The following TP53BP1 variants were observed in gnomAD, a reference collection of about 807,000 sequenced individuals.
The protein encoded by TP53BP1 is tumor protein p53 binding protein 1.
In TP53BP1, 61 loss-of-function variants were observed where a neutral mutation model predicts 200.8. The ratio of observed to expected loss-of-function variants is 0.30; its 90% CI spans 0.25 to 0.38. TP53BP1 has a LOEUF of 0.38. TP53BP1 is among the 10% of genes least tolerant of loss of function. The pLI is 1.00. For missense variants in TP53BP1, 2,144 were observed against 2,371.9 expected (o/e 0.90, Z 2.00); for synonymous variants, 822 against 844.3 (o/e 0.97, Z 0.46).
chr15:43,491,228 G>A (rs1410902129), intron 4 of TP53BP1, among the ~76,000 whole-genome samples: 3 of 151,828 alleles, frequency 2.0e-5, no homozygotes, highest in Non-Finnish European at 2.9e-5. Context: ...TTACAGGCAC[G>A]CACCACCAGG....
In TP53BP1 at chr15:43,474,726, C is replaced by G. The variant is rs201580098; in HGVS notation, c.1127G>C (p.Arg376Pro). 1.2e-5 allele frequency: 19 copies of G among 1,613,458 alleles called. 1 individual carries two copies. In the Admixed American group the frequency reaches 1.7e-4, roughly 14 times the overall value. The change falls in exon 10 of 28, where the codon CGA becomes CCA. Residue 376 changes from arginine (R) to proline (P), a missense_variant. This residue lies in a region of TP53BP1 where 1,700 missense variants were observed against 1,710.3 expected (regional missense o/e 0.99). Transcript: ENST00000382044. The stretch of plus-strand genomic sequence containing the variant: ...GCTAGGAACGATAAAAGGAGTAGAT[C>G]GGAAAGCATCAGGAGAAGGAGCAAC... ...DLVAPSPDAFRSTPFIVPSSP... is the reference protein window; with the variant it reads ...DLVAPSPDAFPSTPFIVPSSP...
chr15:43,412,724 T>C (rs1435138957), intron 24 of TP53BP1: 1 of 471,836 alleles, frequency 2.1e-6, no homozygotes, highest in Non-Finnish European at 4.4e-6. Flanking sequence ...ATGGGGAAGA[T>C]GGCAGGGCAT....
chr15:43,494,962 G>C (rs1397165511), upstream of TP53BP1, among the ~76,000 whole-genome samples: 1 of 152,024 alleles, frequency 6.6e-6, no homozygotes, highest in Non-Finnish European at 1.5e-5. Context: ...GCAGAGGCAG[G>C]TGGATTACTT....
chr15:43,413,385 G>GC, intron 23 of TP53BP1, 51 bp from the exon 24 acceptor site: 1 of 1,514,098 alleles, frequency 6.6e-7, no homozygotes, highest in Non-Finnish European at 9.0e-7. Context: ...CATTGCCTCA[G>GC]CAAAAGCCTT....
chr15:43,439,356 T>C (rs1022401022), intron 15 of TP53BP1, among the ~76,000 whole-genome samples: 7 of 152,120 alleles, frequency 4.6e-5, no homozygotes, highest in African/African-American at 1.4e-4. Context: ...CTGGGCAACA[T>C]GACGAAACCC....
In TP53BP1 at chr15:43,450,961, G is replaced by A. The variant is rs555795061; in HGVS notation, c.2717-3476C>T. 3.0e-4 allele frequency among the ~76,000 whole-genome samples: 46 copies of A among 152,164 alleles called. 1 individual carries two copies. In the East Asian group the frequency reaches 8.1e-3, roughly 27 times the overall value. The stretch of plus-strand genomic sequence containing the variant: ...GCAATCTCAGCTTACTACAACCTCC[G>A]CCTCCCGAGTTCAAGTGATTCTCAA... On this transcript the variant is annotated intron_variant, in intron 12 of 27. Coordinates refer to ENST00000382044, the MANE Select transcript of TP53BP1 (RefSeq NM_001141980.3).
At chr15:43,409,311 C>T (rs2045033936) in intron 25 of TP53BP1, 1 of 595,084 alleles carries the variant, frequency 1.7e-6, no homozygotes, top group Non-Finnish European at 3.0e-6. Flanking sequence ...ATACTGAGGA[C>T]CTAAATCCTC....
intron 11 of TP53BP1, among the ~76,000 whole-genome samples, chr15:43,467,819 T>C (rs1393664218): frequency 6.6e-6 from 1 of 151,774 alleles, no homozygotes; most frequent in Non-Finnish European, 1.5e-5. Flanking sequence ...AGGGCCTCAC[T>C]GTTGCCCAGG....
chr15:43,501,443 G>T (rs1038211773), intron 1 of TP53BP1, among the ~76,000 whole-genome samples: 1 of 152,052 alleles, frequency 6.6e-6, no homozygotes, highest in African/African-American at 2.4e-5. Flanking sequence ...TGAACTCCTG[G>T]GCTCAAGCAA....
chr15:43,458,983 A>C (rs966410933), intron 11 of TP53BP1, among the ~76,000 whole-genome samples: 1 of 152,128 alleles, frequency 6.6e-6, no homozygotes, highest in African/African-American at 2.4e-5. Flanking sequence ...CCCAAGAAAA[A>C]TAAAAATATG....
chr15:43,452,293 C>T (rs979625895), intron 12 of TP53BP1, among the ~76,000 whole-genome samples: 4 of 152,130 alleles, frequency 2.6e-5, no homozygotes, highest in South Asian at 2.1e-4. Context: ...CGGCTGAGCA[C>T]GGTGGCTCAT....
In TP53BP1 at chr15:43,406,090, C is replaced by T. The variant is rs956694153; in HGVS notation, c.*1293G>A. 3 of 149,110 alleles carry T rather than the reference C, an allele frequency of 2.0e-5. No homozygotes were observed. The highest frequency in any genetic ancestry group is 4.5e-5 in the Non-Finnish European group (3 of 67,316). The allele number at this position is 149,110 out of a possible 1,614,324, so 9.2% of individuals were successfully genotyped here. A position where few individuals can be genotyped will look rare whatever the true frequency, so the allele number is the denominator to read the frequency against. ...AGTATTATTCTCCAAGAAAAAGGTC[C>T]TTAAGAAAAAATTGAGATCAAGTTG... On this transcript the variant is annotated 3_prime_UTR_variant, in exon 28 of 28. Transcript: ENST00000382044.
In TP53BP1 at chr15:43,479,946, C is replaced by G; in HGVS notation, c.571G>C (p.Val191Leu). Residue 191 changes from valine to leucine, a missense_variant, in exon 6 of 28, where the codon GTG (valine) becomes CTG (leucine). Val to Leu is a conservative substitution (Grantham distance 32). Around this residue, in one of 4 missense-constraint regions of TP53BP1, gnomAD observed 1,700 missense variants for 1,710.3 expected, o/e 0.99. Transcript: ENST00000382044. ...SQSQDVEENTVPYEVDKEQLQ... is the reference protein window; with the variant it reads ...SQSQDVEENTLPYEVDKEQLQ... ...TGCTCTTTGTCCACTTCATATGGCA[C>G]AGTATTTTCCTCAACATCCTGGCTC... The G allele has an allele frequency of 6.2e-7, 1 of 1,614,124 alleles. No homozygotes were observed.
At chr15:43,411,097 A>C (rs545397615) in intron 24 of TP53BP1, among the ~76,000 whole-genome samples, 5 of 152,158 alleles carry the variant, frequency 3.3e-5, no homozygotes, top group Non-Finnish European at 7.3e-5. Flanking sequence ...CAAGACTTCT[A>C]CTTTATGTCT....
Position 43,420,357 on chromosome 15 carries a change from G to A in TP53BP1, c.4629C>T (p.Ile1543=). 6.2e-7 allele frequency: 1 copy of A among 1,614,060 alleles called. No individual in the cohort carries two copies. Among genetic ancestry groups the A allele is most frequent in the Non-Finnish European group, 8.5e-7 (1 of 1,180,020 alleles). Residue 1543 remains isoleucine (I), a synonymous_variant, in exon 21 of 28, where the codon ATC becomes ATT. Coordinates refer to ENST00000382044, the MANE Select transcript of TP53BP1 (RefSeq NM_001141980.3). ...LGKDILLCDP[I]PLDTEVTALS... ...GGGCCGTCACTTCAGTGTCCAGCGGGATGGGGTCACATAACAGAATGTCTT... is the reference window on the plus strand; with the variant it reads ...GGGCCGTCACTTCAGTGTCCAGCGGAATGGGGTCACATAACAGAATGTCTT...
intron 11 of TP53BP1, among the ~76,000 whole-genome samples, chr15:43,461,881 G>A (rs2046442158): frequency 6.6e-6 from 1 of 151,450 alleles, no homozygotes; most frequent in Non-Finnish European, 1.5e-5. Context: ...TGTTGGCCAG[G>A]CCGGTCTCAA....
At chr15:43,476,848 T>C (rs966407825) in intron 8 of TP53BP1, among the ~76,000 whole-genome samples, 3 of 152,244 alleles carry the variant, frequency 2.0e-5, no homozygotes, top group Non-Finnish European at 4.4e-5. Flanking sequence ...AAACAAATTA[T>C]ATCCTTTTAA....
In TP53BP1 at chr15:43,421,150, T is replaced by G; in HGVS notation, c.4125A>C (p.Thr1375=). 1 of 1,614,194 alleles carries G rather than the reference T, an allele frequency of 6.2e-7. No individual in the cohort carries two copies. Among genetic ancestry groups the G allele is most frequent in the Non-Finnish European group, 8.5e-7 (1 of 1,180,016 alleles). Residue 1375 remains threonine (T), a synonymous_variant, in exon 20 of 28, where the codon ACA becomes ACC. Coordinates refer to ENST00000382044, the MANE Select transcript of TP53BP1 (RefSeq NM_001141980.3). ...KLSPRKGVSQ[T]GTPVCEEDGD... is the part of the protein sequence containing the mutation. ...CATCCTCCTCACACACTGGCGTCCC[T>G]GTCTGACTGACCCCTTTTCTAGGAC... is the stretch of plus-strand genomic sequence containing the variant.
chr15:43,408,283 G>A (rs2044986645), intron 26 of TP53BP1, 195 bp from the exon 27 acceptor site: 3 of 558,482 alleles, frequency 5.4e-6, no homozygotes. Context: ...TTCGAGACCA[G>A]CCTGGGCAAT....
Sources: allele counts gnomAD v4.1 joint callset (sites outside exome capture counted in the v4.1 genomes callset), GRCh38; gene constraint gnomAD v4.1.1; regional missense constraint gnomAD v4.1.1; transcripts MANE v1.5; gene names NCBI Gene and HGNC (gene_info 2026-07-23, HGNC 2026-07-21).